Variants in PDE7B observed in about 807,000 individuals in gnomAD.
The protein encoded by PDE7B is phosphodiesterase 7B.
Under a neutral mutation model 56.2 loss-of-function variants are expected in PDE7B, and 29 were observed. That is an observed-to-expected ratio of 0.52 (90% CI 0.38 to 0.70). PDE7B has a LOEUF of 0.70. PDE7B is among the 30% of genes least tolerant of loss of function. The pLI, the probability that PDE7B is intolerant of heterozygous loss-of-function variation, is 0.00. For missense variants in PDE7B, 490 were observed against 565.0 expected, an observed-to-expected ratio of 0.87 and a Z score of 1.35; for synonymous variants, 197 against 196.9, an observed-to-expected ratio of 1.00 and a Z score of 0.00.
At position 136,187,192 on chromosome 6, in the gene PDE7B, A is replaced by G. The variant is rs560063487; in HGVS notation, c.1126+76A>G. On this transcript the variant is annotated intron_variant, in intron 12 of 12. Coordinates refer to ENST00000308191, the MANE Select transcript of PDE7B (RefSeq NM_018945.4). Reference sequence around the variant, plus strand: ...CAAAAGTGACAAAGAAAAGATCTAAACACAGCTTTCAAAAGATCAGCACTG... The same window carrying G: ...CAAAAGTGACAAAGAAAAGATCTAAGCACAGCTTTCAAAAGATCAGCACTG... 1.3e-4 allele frequency: 105 copies of G among 788,280 alleles called. 2 individuals are homozygous for G. The Middle Eastern group carries it at 5.1e-3, about 38-fold the overall frequency. 48.8% of individuals were successfully genotyped at this position (788,280 alleles called of 1,614,324 possible).
chr6:136,022,034 A>C (rs962572315), intron 2 of PDE7B, among the ~76,000 whole-genome samples: 2 of 152,136 alleles, frequency 1.3e-5, no homozygotes, highest in Non-Finnish European at 2.9e-5. Flanking sequence ...TTCTTTAGAC[A>C]TAGCAGCTAG....
intron 8 of PDE7B, among the ~76,000 whole-genome samples, chr6:136,158,774 G>T (rs1330299273): frequency 2.0e-5 from 3 of 152,170 alleles, no homozygotes; most frequent in Non-Finnish European, 4.4e-5. Context: ...CAGTCCAGGT[G>T]TCCAGGGTGG....
intron 2 of PDE7B, among the ~76,000 whole-genome samples, chr6:136,103,238 C>A (rs571044970): frequency 6.6e-6 from 1 of 152,276 alleles, no homozygotes; most frequent in Admixed American, 6.5e-5. Flanking sequence ...GATTGAACGC[C>A]CACAGGGGAA....
At chr6:136,071,477 T>G (rs1278708269) in intron 2 of PDE7B, among the ~76,000 whole-genome samples, 1 of 152,144 alleles carries the variant, frequency 6.6e-6, no homozygotes, top group Non-Finnish European at 1.5e-5. Context: ...CACACACACG[T>G]GTGTATACAT....
chr6:136,173,719 C>A, intron 8 of PDE7B, 78 bp from the exon 9 acceptor site: 1 of 946,952 alleles, frequency 1.1e-6, no homozygotes, highest in Non-Finnish European at 1.7e-6. Flanking sequence ...ATGCTAGCGT[C>A]CGTGGAGCTG....
intron 9 of PDE7B, 52 bp from the exon 10 acceptor site, chr6:136,178,945 T>A (rs1223145502): frequency 6.3e-7 from 1 of 1,596,530 alleles, no homozygotes; most frequent in Non-Finnish European, 8.6e-7. Context: ...ATCACCCTCA[T>A]CAAAGGGATT....
chr6:135,895,493 C>G (rs539771269), intron 1 of PDE7B, among the ~76,000 whole-genome samples: 70 of 152,288 alleles, frequency 4.6e-4, no homozygotes, highest in Middle Eastern at 3.4e-3. Flanking sequence ...ACGAGTAATT[C>G]AGTAAACTAG....
intron 9 of PDE7B, among the ~76,000 whole-genome samples, chr6:136,176,340 A>T (rs1320128528): frequency 6.6e-6 from 1 of 152,140 alleles, no homozygotes; most frequent in African/African-American, 2.4e-5. Context: ...TATAAATAAA[A>T]TATCAACCAT....
At chr6:136,148,592 T>G (rs541242473) in intron 4 of PDE7B, among the ~76,000 whole-genome samples, 20 of 152,258 alleles carry the variant, frequency 1.3e-4, no homozygotes, top group African/African-American at 4.8e-4. Context: ...AAATCATTCC[T>G]AACAGCTTAA....
Position 136,173,662 on chromosome 6 carries a change from T to G in PDE7B, c.712-135T>G, listed in dbSNP as rs1778929987. On this transcript the variant is annotated intron_variant, in intron 8 of 12. Coordinates refer to ENST00000308191, the MANE Select transcript of PDE7B (RefSeq NM_018945.4). ...ATGGTTGTTTTATCTTTTGGGTTTTTTTTTCCTGGTCTGCCTCTGGGTCAT... is the reference window on the plus strand; with the variant it reads ...ATGGTTGTTTTATCTTTTGGGTTTTGTTTTCCTGGTCTGCCTCTGGGTCAT... 6.3e-6 allele frequency: 4 copies of G among 631,674 alleles called. No homozygotes were observed. In the East Asian group the frequency reaches 1.1e-4, roughly 17 times the overall value. The allele number at this position is 631,674 out of a possible 1,614,324, so 39.1% of individuals were successfully genotyped here. A position where few individuals can be genotyped will look rare whatever the true frequency, so the allele number is the denominator to read the frequency against.
At chr6:136,031,882 C>A (rs1182033542) in intron 2 of PDE7B, among the ~76,000 whole-genome samples, 1 of 152,166 alleles carries the variant, frequency 6.6e-6, no homozygotes, top group East Asian at 1.9e-4. Context: ...AACCCTCACT[C>A]AGGCATTTTC....
At chr6:135,933,346 G>A (rs1234578828) in intron 1 of PDE7B, among the ~76,000 whole-genome samples, 1 of 152,188 alleles carries the variant, frequency 6.6e-6, no homozygotes, top group Admixed American at 6.5e-5. Context: ...CTCCAAGTAT[G>A]CTTGTGTTGA....
intron 1 of PDE7B, among the ~76,000 whole-genome samples, chr6:135,853,176 G>T (rs192228082): frequency 1.3e-5 from 2 of 152,018 alleles, no homozygotes; most frequent in Admixed American, 6.6e-5. Context: ...ATTTCTAACC[G>T]ATTTTCTTAA....
intron 1 of PDE7B, among the ~76,000 whole-genome samples, chr6:135,889,158 G>A (rs1201255181): frequency 6.6e-6 from 1 of 152,094 alleles, no homozygotes; most frequent in East Asian, 1.9e-4. Flanking sequence ...AAGGAATCCT[G>A]AGGTTTGAAT....
intron 1 of PDE7B, among the ~76,000 whole-genome samples, chr6:135,915,008 A>G (rs913744534): frequency 2.0e-5 from 3 of 151,644 alleles, no homozygotes; most frequent in African/African-American, 7.3e-5. Context: ...CAGGAGAATC[A>G]CTTGAACGCA....
intron 2 of PDE7B, among the ~76,000 whole-genome samples, chr6:136,049,904 G>T (rs1276878339): frequency 1.3e-5 from 2 of 151,596 alleles, no homozygotes; most frequent in African/African-American, 4.9e-5. Context: ...ATTTTTTAAT[G>T]AAAATGGGTC....
chr6:136,099,063 A>G (rs1472329484), intron 2 of PDE7B, among the ~76,000 whole-genome samples: 2 of 151,952 alleles, frequency 1.3e-5, no homozygotes, highest in African/African-American at 4.8e-5. Flanking sequence ...GCTGAGAATG[A>G]TGGTTTCCAG....
chr6:135,971,693 T>C lies in PDE7B; in HGVS notation c.82+24169T>C, dbSNP rs539010180. 9.2e-5 allele frequency among the ~76,000 whole-genome samples: 14 copies of C among 152,318 alleles called. No homozygotes were observed. The East Asian group carries it at 2.7e-3, about 29-fold the overall frequency. On this transcript the variant is annotated intron_variant, in intron 2 of 12. Transcript: ENST00000308191. ...TATGAGTTCTAACTCTGCCACTTAC[T>C]CATTGCATATGGTTAAGCAAGTGTC...
At chr6:135,901,580 G>A (rs950635181) in intron 1 of PDE7B, among the ~76,000 whole-genome samples, 4 of 152,128 alleles carry the variant, frequency 2.6e-5, no homozygotes, top group African/African-American at 4.8e-5. Context: ...GCCTCTCAGC[G>A]ATTGGAAGAG....
Sources: gnomAD v4.1 joint callset for allele counts (sites outside exome capture counted in the v4.1 genomes callset) on GRCh38, gnomAD v4.1.1 for gene constraint, MANE v1.5 for transcripts, NCBI Gene and HGNC (gene_info 2026-07-23, HGNC 2026-07-21) for gene names.